Variants in MYEF2 observed in about 807,000 individuals in gnomAD.
The protein encoded by MYEF2 is myelin gene expression factor 2.
Under a neutral mutation model 75.2 loss-of-function variants are expected in MYEF2, and 37 were observed. The observed-to-expected ratio is 0.49, with a 90% confidence interval of 0.38 to 0.65. The LOEUF (loss-of-function observed/expected upper bound fraction) is 0.65, where lower values mean the gene tolerates loss of function less well. Ranked by LOEUF, MYEF2 falls within the 30% of genes least tolerant of loss-of-function variation. The pLI is 0.00. For synonymous variants in MYEF2, 195 were observed against 241.6 expected (o/e 0.81, Z 1.79); for missense variants, 634 against 771.4 (o/e 0.82, Z 2.11).
Position 48,158,901 on chromosome 15 carries a change from T to C in MYEF2, c.739A>G (p.Lys247Glu). ...ATGCTGAACACTTCCTTTAGCTTCT[T>C]CCAACCAACTTTGAAGTCAAGCTTA... ...VANLDFKVGW[K>E]KLKEVFSIAG... The change falls in exon 7 of 17, where the codon AAG becomes GAG. Residue 247 changes from lysine (K) to glutamate (E), a missense_variant. By Grantham distance (56) the Lys-to-Glu change is moderately conservative. Transcript: ENST00000324324. The C allele has an allele frequency of 6.2e-7, 1 of 1,613,484 alleles. No homozygotes were observed. Among genetic ancestry groups the C allele is most frequent in the Non-Finnish European group, 8.5e-7 (1 of 1,179,674 alleles).
chr15:48,148,890 G>A, intron 16 of MYEF2, 142 bp downstream of exon 16: 1 of 776,276 alleles, frequency 1.3e-6, no homozygotes, highest in Non-Finnish European at 2.2e-6. Flanking sequence ...TATTTGAAGT[G>A]GAATTAGACC....
chr15:48,144,288 G>T (rs1304800369), intron 16 of MYEF2, among the ~76,000 whole-genome samples: 1 of 151,904 alleles, frequency 6.6e-6, no homozygotes, highest in Non-Finnish European at 1.5e-5. Flanking sequence ...TTTTTCTGTT[G>T]AAATCTTGAT....
At chr15:48,150,890 T>A (rs1407257524) in intron 14 of MYEF2, among the ~76,000 whole-genome samples, 1 of 151,880 alleles carries the variant, frequency 6.6e-6, no homozygotes, top group East Asian at 1.9e-4. Context: ...TTTAGAAATA[T>A]CAAAAAAGTA....
chr15:48,143,175 A>T (rs957564225), intron 16 of MYEF2, 104 bp from the exon 17 acceptor site: 14 of 613,082 alleles, frequency 2.3e-5, no homozygotes, highest in Admixed American at 1.3e-4. Context: ...TAATTTGATT[A>T]AAAACATTAA....
intron 5 of MYEF2, 38 bp downstream of exon 5, chr15:48,165,895 T>G (rs777592608): frequency 1.5e-6 from 2 of 1,375,022 alleles, no homozygotes; most frequent in Non-Finnish European, 2.0e-6. Context: ...CATGTCTTTA[T>G]AGTCAAATGT....
chr15:48,141,075 CTTTAAGAT>C lies in MYEF2; in HGVS notation c.*1825_*1832del. ...TAACTGCAAAGGATGGTTAGTGAAT[CTTTAAGAT>C]TTGTAACTTGAAATATCTGTTTATT... On this transcript the variant is annotated 3_prime_UTR_variant, in exon 17 of 17. Transcript: ENST00000324324. The C allele has an allele frequency of 6.6e-7, 1 of 1,520,650 alleles. No individual in the cohort carries two copies. Among genetic ancestry groups the C allele is most frequent in the Non-Finnish European group, 9.1e-7 (1 of 1,100,546 alleles). 94.2% of individuals were successfully genotyped at this position (1,520,650 alleles called of 1,614,324 possible). A position where few individuals can be genotyped will look rare whatever the true frequency, so the allele number is the denominator to read the frequency against.
chr15:48,143,287 A>G (rs1339202629), intron 16 of MYEF2, among the ~76,000 whole-genome samples: 1 of 152,078 alleles, frequency 6.6e-6, no homozygotes, highest in Non-Finnish European at 1.5e-5. Flanking sequence ...TGGAATCAGG[A>G]AAGATTTTCT....
At chr15:48,166,061 G>A in intron 4 of MYEF2, 35 bp from the exon 5 acceptor site, 3 of 1,573,070 alleles carry the variant, frequency 1.9e-6, no homozygotes, top group East Asian at 2.2e-5. Flanking sequence ...AAATGTTTAT[G>A]TGCTAATTTT....
chr15:48,178,229 G>A lies in MYEF2; in HGVS notation c.9C>T (p.Asp3=). MA[D]ANKAEVPGAT... is the part of the protein sequence containing the mutation. ...CCCCGGGCACCTCGGCCTTGTTGGC[G>A]TCCGCCATCCCGCCGCCGCTGCCTC... The change falls in exon 1 of 17, where the codon GAC becomes GAT. Residue 3 remains aspartate, a synonymous_variant. Transcript: ENST00000324324. 7.1e-7 allele frequency: 1 copy of A among 1,408,516 alleles called. No homozygotes were observed. The highest frequency in any genetic ancestry group is 9.2e-7 in the Non-Finnish European group (1 of 1,086,266). The allele number at this position is 1,408,516 out of a possible 1,614,324, so 87.3% of individuals were successfully genotyped here.
chr15:48,162,369 C>T (rs2039972733), intron 5 of MYEF2, among the ~76,000 whole-genome samples: 1 of 152,068 alleles, frequency 6.6e-6, no homozygotes, highest in African/African-American at 2.4e-5. Context: ...ATTAACTCTT[C>T]GAGTCCTGAT....
At chr15:48,145,662 C>G (rs1401339474) in intron 16 of MYEF2, among the ~76,000 whole-genome samples, 1 of 151,794 alleles carries the variant, frequency 6.6e-6, no homozygotes, top group East Asian at 1.9e-4. Context: ...AGTATAAAAA[C>G]ACATGTAAAA....
intron 11 of MYEF2, 142 bp downstream of exon 11, chr15:48,152,092 C>T: frequency 8.7e-7 from 1 of 1,151,472 alleles, no homozygotes; most frequent in Non-Finnish European, 1.3e-6. Context: ...TAAGTATGTA[C>T]CAGGCTCAAT....
Position 48,142,050 on chromosome 15 carries a change from C to T in MYEF2, c.*858G>A, listed in dbSNP as rs754487749. ...GTAGGGAAAGGAGATATGGCTATGT[C>T]TAACATCGTGGGATCCAATGTGTTT... On this transcript the variant is annotated 3_prime_UTR_variant, in exon 17 of 17. Transcript: ENST00000324324. The T allele has an allele frequency of 3.1e-6, 5 of 1,612,394 alleles. No homozygotes were observed. The highest frequency in any genetic ancestry group is 2.5e-6 in the Non-Finnish European group (3 of 1,179,034).
Position 48,151,487 on chromosome 15 carries a change from G to C in MYEF2, c.1292C>G (p.Ser431Cys), listed in dbSNP as rs80287989. ...DIGINRGFGDSFGRLGSAMIG... is the reference protein window; with the variant it reads ...DIGINRGFGDCFGRLGSAMIG... ...GCCAGCCCTACCAAGTCTACCAAAG[G>C]AATCTCCAAAGCCTCGATTTATTCC... Residue 431 changes from serine to cysteine, a missense_variant, in exon 13 of 17, where the codon TCC becomes TGC. Coordinates refer to ENST00000324324, the MANE Select transcript of MYEF2 (RefSeq NM_016132.5). 4 of 1,612,572 alleles carry C rather than the reference G, an allele frequency of 2.5e-6. No homozygotes were observed. The highest frequency in any genetic ancestry group is 2.2e-5 in the East Asian group (1 of 44,862).
At chr15:48,146,193 T>C (rs1204920170) in intron 16 of MYEF2, among the ~76,000 whole-genome samples, 3 of 151,920 alleles carry the variant, frequency 2.0e-5, no homozygotes, top group African/African-American at 2.4e-5. Context: ...TAAAAGACTA[T>C]GCCCATTTGA....
At chr15:48,144,791 T>TAA (rs1393232585) in intron 16 of MYEF2, among the ~76,000 whole-genome samples, 1 of 151,920 alleles carries the variant, frequency 6.6e-6, no homozygotes, top group Non-Finnish European at 1.5e-5. Flanking sequence ...GACAGCACCT[T>TAA]ACAGTTATTT....
rs1046108598 is a variant in MYEF2 at position 48,137,636 on chromosome 15, A to T, written c.*5272T>A. 2.6e-5 allele frequency: 4 copies of T among 152,200 alleles called. No homozygotes were observed. Among genetic ancestry groups the T allele is most frequent in the Non-Finnish European group, 4.4e-5 (3 of 68,064 alleles). The allele number at this position is 152,200 out of a possible 1,614,324, so 9.4% of individuals were successfully genotyped here. A position where few individuals can be genotyped will look rare whatever the true frequency, so the allele number is the denominator to read the frequency against. On this transcript the variant is annotated 3_prime_UTR_variant, in exon 17 of 17. Transcript: ENST00000324324. ...AGACCAAGTGAAAGTGGTGGGAATA[A>T]ATGAGAACAGATGTGAGACTATATG...
At chr15:48,155,913 T>C (rs2039678052) in intron 9 of MYEF2, among the ~76,000 whole-genome samples, 1 of 152,036 alleles carries the variant, frequency 6.6e-6, no homozygotes, top group South Asian at 2.1e-4. Flanking sequence ...TAACTGGGAC[T>C]ACAGGCATGC....
At position 48,138,788 on chromosome 15, in the gene MYEF2, C is replaced by A; in HGVS notation, c.*4120G>T. 1 of 572,928 alleles carries A rather than the reference C, an allele frequency of 1.7e-6. No individual in the cohort carries two copies. The allele number at this position is 572,928 out of a possible 1,614,324, so 35.5% of individuals were successfully genotyped here. A position where few individuals can be genotyped will look rare whatever the true frequency, so the allele number is the denominator to read the frequency against. ...GGAGTATCACATCTTACATTGTCTG[C>A]CCTAAAGTTTCAATTAGTTTCTTTT... On this transcript the variant is annotated 3_prime_UTR_variant, in exon 17 of 17. Transcript: ENST00000324324.
Sources: gnomAD v4.1 joint callset for allele counts (sites outside exome capture counted in the v4.1 genomes callset) on GRCh38, gnomAD v4.1.1 for gene constraint, MANE v1.5 for transcripts, NCBI Gene and HGNC (gene_info 2026-07-23, HGNC 2026-07-21) for gene names.